Variants in UMODL1 observed in about 807,000 individuals in gnomAD.
UMODL1 encodes the protein uromodulin-like 1.
UMODL1 carries 128 observed loss-of-function variants against 136.3 expected under a neutral mutation model. The ratio of observed to expected loss-of-function variants is 0.94; its 90% CI spans 0.81 to 1.09. The LOEUF (loss-of-function observed/expected upper bound fraction) is 1.09, where lower values mean the gene tolerates loss of function less well. Ranked by LOEUF, UMODL1 falls within the 50% of genes least tolerant of loss-of-function variation. The pLI is 0.00. For synonymous variants in UMODL1, 721 were observed against 720.0 expected, an observed-to-expected ratio of 1.00 and a Z score of -0.02; for missense variants, 1,766 against 1,725.6, an observed-to-expected ratio of 1.02 and a Z score of -0.41.
At chr21:42,065,225 C>T (rs923771038) in intron 1 of UMODL1, among the ~76,000 whole-genome samples, 5 of 152,170 alleles carry the variant, frequency 3.3e-5, no homozygotes, top group African/African-American at 1.2e-4. Context: ...CTGAGTTTGG[C>T]GTCACTTATT....
At chr21:42,091,132 G>A (rs1277102488) in intron 6 of UMODL1, among the ~76,000 whole-genome samples, 2 of 152,170 alleles carry the variant, frequency 1.3e-5, no homozygotes, top group African/African-American at 4.8e-5. Flanking sequence ...CATCTTCTTT[G>A]GCTTAGGAAA....
At chr21:42,109,016 A>G (rs930235679) in intron 9 of UMODL1, among the ~76,000 whole-genome samples, 1 of 129,144 alleles carries the variant, frequency 7.7e-6, no homozygotes, top group African/African-American at 3.1e-5. Flanking sequence ...CCGGTGTGGA[A>G]AGCTCATGTT....
At chr21:42,126,979 C>G (rs1470446456) in intron 18 of UMODL1, 27 bp from the exon 19 acceptor site, 22 of 1,583,608 alleles carry the variant, frequency 1.4e-5, no homozygotes, top group Non-Finnish European at 1.9e-5. Flanking sequence ...CTGAAACATG[C>G]CTCCTGCAAG....
rs1372720116 is a variant in UMODL1 at position 42,127,614 on chromosome 21, A to T, written c.3531-58A>T. On this transcript the variant is annotated intron_variant, in intron 19 of 22. Transcript: ENST00000408910. ...ATGTAGTCGTGAGTAAACTCATCTG[A>T]GAACAAGGACAGCGGGGCTCGCTGA... is the stretch of plus-strand genomic sequence containing the variant. 3 of 1,547,662 alleles carry T rather than the reference A, an allele frequency of 1.9e-6. 1 individual carries two copies. The highest frequency in any genetic ancestry group is 2.6e-6 in the Non-Finnish European group (3 of 1,148,266).
rs777947540 is a variant in UMODL1, at chr21:42,111,366, A to G, written c.1900-140A>G. ...AGCCCCAGCCAGGAGAGCCCCAGCC[A>G]GGGGAGCACCAGCCAGGCGAGCCCC... On this transcript the variant is annotated intron_variant, in intron 11 of 22. Coordinates refer to ENST00000408910, the MANE Select transcript of UMODL1 (RefSeq NM_001004416.3). The G allele has an allele frequency of 2.5e-6, 4 of 1,611,122 alleles. No homozygotes were observed. In the South Asian group the frequency reaches 4.4e-5, roughly 18 times the overall value.
At chr21:42,141,453 G>C (rs1324165005) in intron 22 of UMODL1, among the ~76,000 whole-genome samples, 2 of 152,220 alleles carry the variant, frequency 1.3e-5, no homozygotes, top group African/African-American at 4.8e-5. Context: ...GGAAATGTCA[G>C]TGCCTTTTAC....
intron 10 of UMODL1, 125 bp downstream of exon 10, chr21:42,109,824 A>T: frequency 2.9e-6 from 3 of 1,031,312 alleles, no homozygotes; most frequent in Non-Finnish European, 4.1e-6. Context: ...GGCCTACAGA[A>T]ATGTTTTCAT....
Position 42,136,660 on chromosome 21 carries a change from G to C in UMODL1, c.3776-779G>C, listed in dbSNP as rs111774980. Among the ~76,000 whole-genome samples, 455 of 152,298 alleles carry C rather than the reference G, an allele frequency of 3.0e-3. 1 individual carries two copies. Among genetic ancestry groups the C allele is most frequent in the African/African-American group, 0.01 (430 of 41,556 alleles). On this transcript the variant is annotated intron_variant, in intron 21 of 22. Coordinates refer to ENST00000408910, the MANE Select transcript of UMODL1 (RefSeq NM_001004416.3). ...CCTTTGGCTGGTGCTGTGAACAGGG[G>C]TGTACAAATAGCTGTTTGAATCAGT... is the stretch of plus-strand genomic sequence containing the variant.
intron 1 of UMODL1, among the ~76,000 whole-genome samples, chr21:42,073,766 A>T (rs930865606): frequency 6.6e-6 from 1 of 152,196 alleles, no homozygotes; most frequent in Non-Finnish European, 1.5e-5. Flanking sequence ...GAATAAGGAC[A>T]GCAGTGGTTT....
chr21:42,129,624 C>T, intron 20 of UMODL1, 89 bp from the exon 21 acceptor site: 1 of 1,209,020 alleles, frequency 8.3e-7, no homozygotes, highest in South Asian at 1.6e-5. Flanking sequence ...AAATCGCATA[C>T]ATCACATTAG....
chr21:42,067,795 G>C (rs1428391063), upstream of UMODL1, among the ~76,000 whole-genome samples: 2 of 152,222 alleles, frequency 1.3e-5, no homozygotes, highest in Non-Finnish European at 2.9e-5. Flanking sequence ...TTGGGGCCTG[G>C]AGACAATGTC....
Position 42,142,937 on chromosome 21 carries a change from C to T in UMODL1, c.*863C>T, listed in dbSNP as rs1208848426. On this transcript the variant is annotated 3_prime_UTR_variant, in exon 23 of 23. Transcript: ENST00000408910. ...TCTAGAATTTTCTCCATTACATCAT[C>T]CTAAGAGATAATGCTCTGTACTTCA... is the stretch of plus-strand genomic sequence containing the variant. 1 of 152,120 alleles carries T rather than the reference C, an allele frequency of 6.6e-6. No individual in the cohort carries two copies. The highest frequency in any genetic ancestry group is 1.5e-5 in the Non-Finnish European group (1 of 68,034). 9.4% of individuals were successfully genotyped at this position (152,120 alleles called of 1,614,324 possible). A position where few individuals can be genotyped will look rare whatever the true frequency, so the allele number is the denominator to read the frequency against.
chr21:42,100,306 C>A (rs1379743476), intron 7 of UMODL1, among the ~76,000 whole-genome samples: 1 of 152,118 alleles, frequency 6.6e-6, no homozygotes, highest in African/African-American at 2.4e-5. Context: ...CATACTGGGG[C>A]CTTTCTCACT....
chr21:42,126,641 C>A, intron 18 of UMODL1, 151 bp downstream of exon 18: 1 of 1,298,544 alleles, frequency 7.7e-7, no homozygotes, highest in Non-Finnish European at 1.1e-6. Flanking sequence ...AAATTTTGTT[C>A]CCTCTTCCCA....
intron 6 of UMODL1, among the ~76,000 whole-genome samples, chr21:42,095,152 T>C (rs1012894149): frequency 5.0e-5 from 7 of 140,518 alleles, no homozygotes; most frequent in African/African-American, 1.8e-4. Context: ...TGAAGTACAG[T>C]GGCACAGTCT....
chr21:42,139,479 C>A (rs1053680010), intron 22 of UMODL1, among the ~76,000 whole-genome samples: 4 of 152,164 alleles, frequency 2.6e-5, no homozygotes, highest in African/African-American at 7.2e-5. Context: ...CCACCTCCCA[C>A]CAGGCCCCAC....
chr21:42,076,011 G>T lies in UMODL1; in HGVS notation c.83G>T (p.Gly28Val), dbSNP rs924433721. 1.2e-6 allele frequency: 2 copies of T among 1,613,478 alleles called. No homozygotes were observed. Among genetic ancestry groups the T allele is most frequent in the East Asian group, 2.2e-5 (1 of 44,878 alleles). Reference protein sequence around the residue: ...PSQASGFTEKGLSLLGYQLCS... With the variant: ...PSQASGFTEKVLSLLGYQLCS... Reference sequence around the variant, plus strand: ...CTTGCTTGGCCTCTTTCAGAAAAAGGCCTCTCCCTGTTGGGCTACCAGCTA... The same window carrying T: ...CTTGCTTGGCCTCTTTCAGAAAAAGTCCTCTCCCTGTTGGGCTACCAGCTA... Residue 28 changes from glycine (G) to valine (V), a missense_variant, in exon 2 of 23, where the codon GGC becomes GTC. Physicochemically the swap from Gly to Val is moderately radical, Grantham distance 109. Transcript: ENST00000408910.
Position 42,103,871 on chromosome 21 carries a change from G to A in UMODL1, c.1303G>A (p.Glu435Lys), listed in dbSNP as rs745450663. 8 of 1,614,028 alleles carry A rather than the reference G, an allele frequency of 5.0e-6. No homozygotes were observed. The highest frequency in any genetic ancestry group is 3.3e-5 in the Admixed American group (2 of 60,010). The change falls in exon 9 of 23, where the codon GAG becomes AAG. Residue 435 changes from glutamate (E) to lysine (K), a missense_variant. Transcript: ENST00000408910. ...DFSRQLLHEV[E>K]SSFPPVVSDL... ...GCTGTTGCCTCTTCTTGGCTAGGTC[G>A]AGAGCTCCTTCCCACCAGTGGTGTC...
Position 42,127,303 on chromosome 21 carries a change from G to A in UMODL1, c.3530+61G>A, listed in dbSNP as rs1569175635. 5 of 1,472,316 alleles carry A rather than the reference G, an allele frequency of 3.4e-6. No individual in the cohort carries two copies. In the East Asian group the frequency reaches 6.8e-5, roughly 20 times the overall value. 91.2% of individuals were successfully genotyped at this position (1,472,316 alleles called of 1,614,324 possible). ...ATGCCTGGGGCTTTATTAACAATAGGTAGGGCTCAAGAATGCAGACATCCC... is the reference window on the plus strand; with the variant it reads ...ATGCCTGGGGCTTTATTAACAATAGATAGGGCTCAAGAATGCAGACATCCC... On this transcript the variant is annotated intron_variant, in intron 19 of 22. Transcript: ENST00000408910.
Sources: gnomAD v4.1 joint callset for allele counts (sites outside exome capture counted in the v4.1 genomes callset) on GRCh38, gnomAD v4.1.1 for gene constraint, MANE v1.5 for transcripts, NCBI Gene and HGNC (gene_info 2026-07-23, HGNC 2026-07-21) for gene names.